The following QRFPR variants were observed in gnomAD, a reference collection of about 807,000 sequenced individuals.
QRFPR encodes the protein pyroglutamylated RFamide peptide receptor.
QRFPR carries 37 observed loss-of-function variants against 31.3 expected under a neutral mutation model. The ratio of observed to expected loss-of-function variants is 1.18; its 90% CI spans 0.91 to 1.56. The LOEUF is 1.56. Ranked by LOEUF, QRFPR falls within the 40% of genes most tolerant of loss-of-function variation. The pLI is 0.00. For missense variants in QRFPR, 542 were observed against 532.5 expected, an observed-to-expected ratio of 1.02 and a Z score of -0.18; for synonymous variants, 197 against 192.0, an observed-to-expected ratio of 1.03 and a Z score of -0.22.
At chr4:121,378,957 C>A (rs1048189916) in intron 1 of QRFPR, among the ~76,000 whole-genome samples, 1 of 152,192 alleles carries the variant, frequency 6.6e-6, no homozygotes, top group Admixed American at 6.5e-5. Context: ...AATGAAAACT[C>A]ATGTGCTTTT....
intron 1 of QRFPR, among the ~76,000 whole-genome samples, chr4:121,346,542 T>C (rs943223038): frequency 1.3e-5 from 2 of 152,236 alleles, no homozygotes. Context: ...ATTGTCCTTG[T>C]TTCTCTTAGT....
rs1726171240 is a variant in QRFPR, at chr4:121,368,618, G to A, written c.340+11690C>T. Among the ~76,000 whole-genome samples the A allele has an allele frequency of 1.3e-5, 2 of 149,964 alleles. 1 individual carries two copies. The highest frequency in any genetic ancestry group is 4.9e-5 in the African/African-American group (2 of 40,510). On this transcript the variant is annotated intron_variant, in intron 1 of 5. Transcript: ENST00000394427. ...AGAAACAGGGGTCCCTGCCAAGTCT[G>A]GTTTTACCTATACCCAGGTCCCAAA... is the stretch of plus-strand genomic sequence containing the variant.
chr4:121,365,621 T>TTA lies in QRFPR; in HGVS notation c.340+14685_340+14686dup, dbSNP rs1553947929. Among the ~76,000 whole-genome samples, 139 of 22,238 alleles carry TTA rather than the reference T, an allele frequency of 6.3e-3. 13 individuals carry two copies. The highest frequency in any genetic ancestry group is 0.033 in the African/African-American group (125 of 3,772). 14.6% of individuals were successfully genotyped at this position (22,238 alleles called of 152,430 possible). On this transcript the variant is annotated intron_variant, in intron 1 of 5. Coordinates refer to ENST00000394427, the MANE Select transcript of QRFPR (RefSeq NM_198179.3). Reference sequence around the variant, plus strand: ...ATATATAATATATATATTATATATATTATATATTATATATATATTTTATAT... The same window carrying TTA: ...ATATATAATATATATATTATATATATTATATATATTATATATATATTTTATAT...
chr4:121,372,614 T>TTA (rs1280397988), intron 1 of QRFPR, among the ~76,000 whole-genome samples: 2 of 152,182 alleles, frequency 1.3e-5, no homozygotes, highest in African/African-American at 4.8e-5. Context: ...GTAACATTAG[T>TTA]ACCTTTTCTG....
At chr4:121,361,957 T>A (rs1372865947) in intron 1 of QRFPR, among the ~76,000 whole-genome samples, 4 of 150,310 alleles carry the variant, frequency 2.7e-5, no homozygotes, top group African/African-American at 4.9e-5. Context: ...AAATAAGATA[T>A]CTTCCAGTTG....
chr4:121,336,195 A>G (rs1011752982), intron 3 of QRFPR, among the ~76,000 whole-genome samples: 8 of 152,094 alleles, frequency 5.3e-5, no homozygotes, highest in African/African-American at 1.4e-4. Context: ...TAGATCACCT[A>G]TGCAAGACAT....
At chr4:121,330,550 A>C in intron 4 of QRFPR, 27 bp from the exon 5 acceptor site, 1 of 1,558,402 alleles carries the variant, frequency 6.4e-7, no homozygotes. Context: ...ACATTGTATT[A>C]GTTAACTTCT....
chr4:121,346,787 T>C (rs909566269), intron 1 of QRFPR, among the ~76,000 whole-genome samples: 1 of 152,216 alleles, frequency 6.6e-6, no homozygotes, highest in African/African-American at 2.4e-5. Context: ...GGTGTAATCA[T>C]ATGATTTTTT....
chr4:121,352,232 A>C (rs933084566), intron 1 of QRFPR, among the ~76,000 whole-genome samples: 2 of 152,156 alleles, frequency 1.3e-5, no homozygotes, highest in Non-Finnish European at 2.9e-5. Flanking sequence ...CATAAAAATA[A>C]TTTCAGAGGT....
intron 1 of QRFPR, among the ~76,000 whole-genome samples, chr4:121,350,897 A>G (rs1413375786): frequency 4.6e-5 from 7 of 152,206 alleles, no homozygotes. Context: ...TATGTATAAA[A>G]ATACTAATTA....
chr4:121,343,788 AT>A (rs1378215013), intron 1 of QRFPR, among the ~76,000 whole-genome samples: 2 of 152,128 alleles, frequency 1.3e-5, no homozygotes, highest in Non-Finnish European at 2.9e-5. Flanking sequence ...ACAAAAGAAA[AT>A]TTTTGCTGTA....
In QRFPR at chr4:121,340,619, A is replaced by G; in HGVS notation, c.341-9T>C. ...CTTGCAAATGAAAGCACCTGCAGTAAGGAAATAGGACAAATCATACATCAA... is the reference window on the plus strand; with the variant it reads ...CTTGCAAATGAAAGCACCTGCAGTAGGGAAATAGGACAAATCATACATCAA... On this transcript the variant is annotated splice_polypyrimidine_tract_variant and intron_variant, in intron 1 of 5. Transcript: ENST00000394427. The G allele has an allele frequency of 6.2e-7, 1 of 1,612,008 alleles. No homozygotes were observed. Among genetic ancestry groups the G allele is most frequent in the Non-Finnish European group, 8.5e-7 (1 of 1,178,518 alleles).
chr4:121,329,066 T>G lies in QRFPR; in HGVS notation c.*248A>C. The G allele has an allele frequency of 5.9e-6, 2 of 340,920 alleles. No individual in the cohort carries two copies. The highest frequency in any genetic ancestry group is 1.1e-5 in the Non-Finnish European group (2 of 190,272). The allele number at this position is 340,920 out of a possible 1,614,324, so 21.1% of individuals were successfully genotyped here. ...ACCGTGCCTGGCCTTCCATGTTGCT[T>G]TTTTAAGGCTAGTCAAGTGAAGCAG... is the stretch of plus-strand genomic sequence containing the variant. On this transcript the variant is annotated 3_prime_UTR_variant, in exon 6 of 6. Transcript: ENST00000394427.
chr4:121,348,991 G>C (rs1455889709), intron 1 of QRFPR, among the ~76,000 whole-genome samples: 1 of 152,086 alleles, frequency 6.6e-6, no homozygotes, highest in African/African-American at 2.4e-5. Flanking sequence ...CAGCTACTCG[G>C]GAGGCTGAGG....
Position 121,329,311 on chromosome 4 carries a change from T to A in QRFPR, c.*3A>T, listed in dbSNP as rs772335226. The A allele has an allele frequency of 2.3e-5, 37 of 1,590,654 alleles. No homozygotes were observed. In the South Asian group the frequency reaches 4.3e-4, roughly 18 times the overall value. ...GGCATTAATTATGAAGATATTGTTA[T>A]AATTAATGCCCACTGTCTAAAGGAG... On this transcript the variant is annotated 3_prime_UTR_variant, in exon 6 of 6. Coordinates refer to ENST00000394427, the MANE Select transcript of QRFPR (RefSeq NM_198179.3).
chr4:121,331,418 AAGCAATCTTCCAACTTC>A (rs969640212), intron 4 of QRFPR, among the ~76,000 whole-genome samples: 4 of 151,028 alleles, frequency 2.6e-5, no homozygotes, highest in African/African-American at 9.7e-5. Context: ...TCCTGGGCTC[AAGCAATCTTCCAACTTC>A]AGCCTCCCAA....
chr4:121,380,177 G>C (rs1726446556), intron 1 of QRFPR, 131 bp downstream of exon 1: 1 of 641,650 alleles, frequency 1.6e-6, no homozygotes, highest in Non-Finnish European at 2.6e-6. Context: ...GAGACAGACA[G>C]ACGAGAGAGG....
In QRFPR at chr4:121,340,440, C is replaced by T. The variant is rs1560735225; in HGVS notation, c.499+12G>A. ...TCATTCACACTGCCATTGGCACATC[C>T]AGTGGCCTCACCTAGCATTGTGAAA... On this transcript the variant is annotated intron_variant, in intron 2 of 5. Coordinates refer to ENST00000394427, the MANE Select transcript of QRFPR (RefSeq NM_198179.3). 4 of 1,613,704 alleles carry T rather than the reference C, an allele frequency of 2.5e-6. No homozygotes were observed. In the East Asian group the frequency reaches 8.9e-5, roughly 36 times the overall value.
chr4:121,343,468 C>T (rs1034282914), intron 1 of QRFPR, among the ~76,000 whole-genome samples: 11 of 152,100 alleles, frequency 7.2e-5, no homozygotes, highest in South Asian at 2.1e-4. Flanking sequence ...AACTTAAGGC[C>T]GTCTTTTATT....
Sources: gnomAD v4.1 joint callset for allele counts (sites outside exome capture counted in the v4.1 genomes callset) on GRCh38, gnomAD v4.1.1 for gene constraint, MANE v1.5 for transcripts, NCBI Gene and HGNC (gene_info 2026-07-23, HGNC 2026-07-21) for gene names.